Variants in GAREM1 observed in about 807,000 individuals in gnomAD.
GAREM1 encodes GRB2-associated and regulator of MAPK protein 1.
Under a neutral mutation model 71.3 loss-of-function variants are expected in GAREM1, and 26 were observed. That is an observed-to-expected ratio of 0.36 (90% confidence interval 0.27 to 0.51). The LOEUF is 0.51. Ranked by LOEUF, GAREM1 falls within the 20% of genes least tolerant of loss-of-function variation. The pLI, the probability that GAREM1 is intolerant of heterozygous loss-of-function variation, is 0.95. For synonymous variants in GAREM1, 440 were observed against 433.2 expected (o/e 1.02, Z -0.20); for missense variants, 1,026 against 1,103.1 (o/e 0.93, Z 0.99).
At chr18:32,393,840 C>T (rs981340093) in intron 1 of GAREM1, among the ~76,000 whole-genome samples, 28 of 152,010 alleles carry the variant, frequency 1.8e-4, no homozygotes, top group African/African-American at 6.0e-4. Flanking sequence ...TGAAATAATC[C>T]GTTCCATTAA....
Position 32,365,493 on chromosome 18 carries a change from G to A in GAREM1, c.262+27402C>T, listed in dbSNP as rs151277995. ...ACTTAAGGACCCAAATATCTCACATGTAGTACAAAACTATGGATACCATAG... is the reference window on the plus strand; with the variant it reads ...ACTTAAGGACCCAAATATCTCACATATAGTACAAAACTATGGATACCATAG... On this transcript the variant is annotated intron_variant, in intron 2 of 5. Transcript: ENST00000269209. Among the ~76,000 whole-genome samples the A allele has an allele frequency of 2.0e-5, 3 of 152,284 alleles. No individual in the cohort carries two copies. In the East Asian group the frequency reaches 5.8e-4, roughly 29 times the overall value.
At chr18:32,283,280 C>T (rs571395804) in intron 4 of GAREM1, among the ~76,000 whole-genome samples, 2 of 152,230 alleles carry the variant, frequency 1.3e-5, no homozygotes, top group Non-Finnish European at 2.9e-5. Flanking sequence ...CGCAGAGGCT[C>T]ATGCCTGTAA....
chr18:32,368,380 C>A (rs2047945577), intron 2 of GAREM1, among the ~76,000 whole-genome samples: 1 of 152,198 alleles, frequency 6.6e-6, no homozygotes, highest in South Asian at 2.1e-4. Flanking sequence ...TATTATTTCA[C>A]AACTTTATTG....
intron 1 of GAREM1, among the ~76,000 whole-genome samples, chr18:32,435,384 T>C (rs1210800474): frequency 6.6e-6 from 1 of 152,082 alleles, no homozygotes; most frequent in Non-Finnish European, 1.5e-5. Flanking sequence ...GGAAGAAGGG[T>C]TAAGGGTATA....
intron 2 of GAREM1, among the ~76,000 whole-genome samples, chr18:32,387,315 G>A (rs2048157877): frequency 6.6e-6 from 1 of 152,192 alleles, no homozygotes; most frequent in African/African-American, 2.4e-5. Context: ...GTGGGAAGAA[G>A]AGTGGGTGTG....
chr18:32,409,845 T>C (rs527964167), intron 1 of GAREM1, among the ~76,000 whole-genome samples: 2 of 152,272 alleles, frequency 1.3e-5, no homozygotes, highest in East Asian at 1.9e-4. Context: ...ATTAATAATA[T>C]ACTAAATCTC....
At chr18:32,299,402 T>C (rs760648882) in intron 3 of GAREM1, among the ~76,000 whole-genome samples, 2 of 149,666 alleles carry the variant, frequency 1.3e-5, no homozygotes, top group Non-Finnish European at 3.0e-5. Context: ...TTGTCCCAGC[T>C]GCTGGGGAGG....
intron 2 of GAREM1, among the ~76,000 whole-genome samples, chr18:32,346,688 A>G (rs571457414): frequency 1.3e-5 from 2 of 152,316 alleles, no homozygotes; most frequent in South Asian, 4.1e-4. Flanking sequence ...TACTACTCCT[A>G]GTTGTGTCAG....
chr18:32,308,912 G>A (rs1415548068), intron 3 of GAREM1, among the ~76,000 whole-genome samples: 1 of 150,064 alleles, frequency 6.7e-6, no homozygotes, highest in Non-Finnish European at 1.5e-5. Context: ...TCTCCAATAA[G>A]GGGCTGTCCT....
intron 2 of GAREM1, among the ~76,000 whole-genome samples, chr18:32,349,720 C>T (rs60214917): frequency 0.053 from 8,061 of 152,274 alleles, 226 homozygotes; most frequent in South Asian, 0.072. Flanking sequence ...AACTTTTGGT[C>T]ATTCTGTATT....
intron 2 of GAREM1, among the ~76,000 whole-genome samples, chr18:32,342,845 G>A (rs894170457): frequency 6.6e-6 from 1 of 152,092 alleles, no homozygotes; most frequent in African/African-American, 2.4e-5. Context: ...TACTTTTATG[G>A]TACCATGCCC....
chr18:32,422,588 G>A (rs2048529902), intron 1 of GAREM1, among the ~76,000 whole-genome samples: 3 of 152,126 alleles, frequency 2.0e-5, no homozygotes, highest in Non-Finnish European at 1.5e-5. Context: ...CCAAATTCAG[G>A]ATGAGAGCTT....
chr18:32,457,279 A>G (rs2048905161), intron 1 of GAREM1, among the ~76,000 whole-genome samples: 2 of 147,662 alleles, frequency 1.4e-5, no homozygotes, highest in African/African-American at 5.0e-5. Flanking sequence ...CAGAGAATGA[A>G]TCAAAATGTT....
chr18:32,278,032 C>T (rs1260099267), intron 4 of GAREM1, among the ~76,000 whole-genome samples: 1 of 152,176 alleles, frequency 6.6e-6, no homozygotes, highest in Non-Finnish European at 1.5e-5. Flanking sequence ...AACAGCATTT[C>T]TTGGAAAGCC....
chr18:32,408,608 G>C (rs1169319473), intron 1 of GAREM1, among the ~76,000 whole-genome samples: 1 of 152,126 alleles, frequency 6.6e-6, no homozygotes, highest in Admixed American at 6.6e-5. Context: ...CACAGACTGT[G>C]GCTTCTGTAT....
At chr18:32,305,376 C>T (rs2047243621) in intron 3 of GAREM1, among the ~76,000 whole-genome samples, 1 of 152,180 alleles carries the variant, frequency 6.6e-6, no homozygotes, top group African/African-American at 2.4e-5. Context: ...ATCTTACTGC[C>T]TAAAGTTAAA....
chr18:32,387,798 T>C (rs1246249115), intron 2 of GAREM1, among the ~76,000 whole-genome samples: 1 of 152,232 alleles, frequency 6.6e-6, no homozygotes, highest in African/African-American at 2.4e-5. Flanking sequence ...CATAGTTACC[T>C]TTTTTCAAAG....
chr18:32,355,539 A>C (rs1316729063), intron 2 of GAREM1, among the ~76,000 whole-genome samples: 1 of 152,186 alleles, frequency 6.6e-6, no homozygotes, highest in Non-Finnish European at 1.5e-5. Flanking sequence ...ATGTTTCATC[A>C]CTAAAAAGAG....
In GAREM1 at chr18:32,328,632, A is replaced by G. The variant is rs574526349; in HGVS notation, c.263-18309T>C. On this transcript the variant is annotated intron_variant, in intron 2 of 5. Coordinates refer to ENST00000269209, the MANE Select transcript of GAREM1 (RefSeq NM_001242409.2). Reference sequence around the variant, plus strand: ...AGAGAGGGTTAGGTAAATGCAAAACATTTTTATATAATATGATAAAGATAT... The same window carrying G: ...AGAGAGGGTTAGGTAAATGCAAAACGTTTTTATATAATATGATAAAGATAT... 6.6e-4 allele frequency among the ~76,000 whole-genome samples: 100 copies of G among 152,286 alleles called. 1 individual carries two copies. The highest frequency in any genetic ancestry group is 2.3e-3 in the African/African-American group (94 of 41,552).
Sources: allele counts gnomAD v4.1 joint callset (sites outside exome capture counted in the v4.1 genomes callset), GRCh38; gene constraint gnomAD v4.1.1; transcripts MANE v1.5; gene names NCBI Gene and HGNC (gene_info 2026-07-23, HGNC 2026-07-21).